TEX9: variants seen among roughly 807,000 people sequenced by gnomAD.
TEX9 encodes testis expressed 9, also known as testis-expressed protein 9.
TEX9 carries 74 observed loss-of-function variants against 59.6 expected under a neutral mutation model. That is an observed-to-expected ratio of 1.24 (90% confidence interval 1.03 to 1.51). TEX9 has a LOEUF of 1.51. Among genes scored for constraint, TEX9 ranks in the 40% most tolerant of loss-of-function variants. The probability of loss-of-function intolerance (pLI) is 0.00; values close to 1 mark genes in which losing one functional copy is unlikely to be tolerated. For synonymous variants in TEX9, 186 were observed against 152.2 expected (o/e 1.22, Z -1.64); for missense variants, 522 against 447.8 (o/e 1.17, Z -1.49).
At chr15:56,318,502 A>G (rs1423677371) in intron 1 of TEX9, among the ~76,000 whole-genome samples, 1 of 152,008 alleles carries the variant, frequency 6.6e-6, no homozygotes, top group Non-Finnish European at 1.5e-5. Context: ...AAATTTGATT[A>G]GTGTTTAGTT....
At chr15:56,303,996 C>T (rs1484961328) in intron 1 of TEX9, among the ~76,000 whole-genome samples, 2 of 152,122 alleles carry the variant, frequency 1.3e-5, no homozygotes, top group Non-Finnish European at 2.9e-5. Flanking sequence ...GAGATTAAAG[C>T]TGTAATAAAA....
At chr15:56,312,220 A>G (rs2045638323) in intron 1 of TEX9, among the ~76,000 whole-genome samples, 2 of 145,222 alleles carry the variant, frequency 1.4e-5, no homozygotes, top group African/African-American at 5.0e-5. Context: ...GTCCTTGCCC[A>G]TGCCTATGTC....
At chr15:56,292,199 G>A (rs1335468642) in intron 1 of TEX9, among the ~76,000 whole-genome samples, 1 of 152,230 alleles carries the variant, frequency 6.6e-6, no homozygotes. Flanking sequence ...TTTAGGATCT[G>A]TGGGTCTACA....
At chr15:56,307,029 G>A (rs1346409558) in intron 1 of TEX9, among the ~76,000 whole-genome samples, 2 of 152,030 alleles carry the variant, frequency 1.3e-5, no homozygotes, top group African/African-American at 4.8e-5. Context: ...ACTCTCCTTT[G>A]TTCTTCCTGG....
At chr15:56,345,997 T>A (rs1480924598) in intron 1 of TEX9, among the ~76,000 whole-genome samples, 2 of 152,120 alleles carry the variant, frequency 1.3e-5, no homozygotes, top group Non-Finnish European at 2.9e-5. Context: ...TTAAGCTGAG[T>A]GGAGTGCCTA....
intron 12 of TEX9, among the ~76,000 whole-genome samples, chr15:56,436,705 G>T (rs922359241): frequency 6.6e-6 from 1 of 151,996 alleles, no homozygotes; most frequent in Non-Finnish European, 1.5e-5. Context: ...TTGATAGACC[G>T]CTAGCAAGAC....
At position 56,315,854 on chromosome 15, in the gene TEX9, T is replaced by G. The variant is rs1297975627; in HGVS notation, c.-106-57587T>G. On this transcript the variant is annotated intron_variant, in intron 1 of 5. Transcript: ENST00000560827. The stretch of plus-strand genomic sequence containing the variant: ...TCTTGGAGGCTTTGCTCATTTCTTT[T>G]TATTATTTTTTCTCTAAACTTCCCT... Among the ~76,000 whole-genome samples the G allele has an allele frequency of 9.8e-4, 147 of 149,648 alleles. 1 individual carries two copies. The highest frequency in any genetic ancestry group is 1.8e-3 in the Non-Finnish European group (124 of 67,110).
intron 3 of TEX9, among the ~76,000 whole-genome samples, chr15:56,379,676 C>G (rs1435438030): frequency 6.6e-6 from 1 of 152,168 alleles, no homozygotes; most frequent in Non-Finnish European, 1.5e-5. Context: ...TGGTCTAGCT[C>G]TCTCTTTAGC....
At chr15:56,304,137 C>A (rs2045423048) in intron 1 of TEX9, among the ~76,000 whole-genome samples, 2 of 152,334 alleles carry the variant, frequency 1.3e-5, no homozygotes, top group South Asian at 4.1e-4. Context: ...CTTCCAAACT[C>A]ATTCTACGAG....
At position 56,316,960 on chromosome 15, in the gene TEX9, C is replaced by T. The variant is rs1030839344; in HGVS notation, c.-106-56481C>T. On this transcript the variant is annotated intron_variant, in intron 1 of 5. Coordinates refer to the TEX9 transcript ENST00000560827. ...TTCTTTGACTCAGAAAGGGAACTCCCTGACCCCTTGCGCTTCCCAAGTGAG... is the reference window on the plus strand; with the variant it reads ...TTCTTTGACTCAGAAAGGGAACTCCTTGACCCCTTGCGCTTCCCAAGTGAG... 3.3e-5 allele frequency among the ~76,000 whole-genome samples: 5 copies of T among 152,318 alleles called. No homozygotes were observed. The East Asian group carries it at 7.7e-4, about 24-fold the overall frequency.
chr15:56,297,908 G>A (rs1194401767), intron 1 of TEX9, among the ~76,000 whole-genome samples: 1 of 152,198 alleles, frequency 6.6e-6, no homozygotes, highest in African/African-American at 2.4e-5. Flanking sequence ...AATTCTTTAT[G>A]TCTATCACAG....
At chr15:56,426,220 G>A (rs1567141319) in intron 10 of TEX9, among the ~76,000 whole-genome samples, 1 of 151,986 alleles carries the variant, frequency 6.6e-6, no homozygotes. Flanking sequence ...CCTCAGGCAG[G>A]CCCCAGAAAA....
chr15:56,434,879 A>T (rs1459837071), intron 12 of TEX9, among the ~76,000 whole-genome samples: 2 of 152,094 alleles, frequency 1.3e-5, no homozygotes, highest in African/African-American at 4.8e-5. Context: ...AAATTCTCTA[A>T]AATTTAAAAA....
At chr15:56,444,370 C>A in intron 12 of TEX9, 1 of 1,285,520 alleles carries the variant, frequency 7.8e-7, no homozygotes, top group Non-Finnish European at 1.1e-6. Context: ...CTAGGTGCTT[C>A]AGTTCCTCAC....
intron 1 of TEX9, among the ~76,000 whole-genome samples, chr15:56,305,616 A>C (rs1332902323): frequency 6.6e-6 from 1 of 152,194 alleles, no homozygotes; most frequent in East Asian, 1.9e-4. Context: ...CATACACAAA[A>C]ATCAAATCAA....
chr15:56,365,530 G>A (rs781663626), intron 1 of TEX9, 49 bp from the exon 2 acceptor site: 4 of 1,614,188 alleles, frequency 2.5e-6, no homozygotes, highest in Non-Finnish European at 3.4e-6. Context: ...CGACTAGGAC[G>A]CCTAACTTCC....
intron 3 of TEX9, among the ~76,000 whole-genome samples, chr15:56,379,641 G>C (rs1400030567): frequency 6.6e-6 from 1 of 152,186 alleles, no homozygotes; most frequent in Non-Finnish European, 1.5e-5. Context: ...AGTGGGTGCT[G>C]AAGTCTCCAG....
intron 8 of TEX9, 91 bp downstream of exon 8, chr15:56,394,338 T>C: frequency 9.0e-7 from 1 of 1,112,168 alleles, no homozygotes; most frequent in South Asian, 1.7e-5. Flanking sequence ...TTTATTTAGA[T>C]ATAAATCATA....
At chr15:56,431,487 T>C (rs2050594652) in intron 12 of TEX9, 2 of 1,613,570 alleles carry the variant, frequency 1.2e-6, no homozygotes, top group African/African-American at 1.3e-5. Context: ...GCCACTCTTC[T>C]AGTTCACGTT....
Sources: gnomAD v4.1 joint callset for allele counts (sites outside exome capture counted in the v4.1 genomes callset) on GRCh38, gnomAD v4.1.1 for gene constraint, MANE v1.5 for transcripts, NCBI Gene and HGNC (gene_info 2026-07-23, HGNC 2026-07-21) for gene names.